The following CSMD1 variants were observed in gnomAD, a reference collection of about 807,000 sequenced individuals.
The protein encoded by CSMD1 is CUB and sushi domain-containing protein 1.
In CSMD1, 213 loss-of-function variants were observed where a neutral mutation model predicts 417.5. That is an observed-to-expected ratio of 0.51 (90% CI 0.46 to 0.57). The LOEUF is 0.57. Among genes scored for constraint, CSMD1 ranks in the 20% least tolerant of loss-of-function variants. CSMD1 has a pLI of 0.00. For synonymous variants in CSMD1, 2,862 were observed against 1,736.8 expected (o/e 1.65, Z -16.11); for missense variants, 6,923 against 4,529.7 (o/e 1.53, Z -15.17).
At chr8:3,976,069 AT>A (rs201414128) in intron 5 of CSMD1, among the ~76,000 whole-genome samples, 12 of 152,090 alleles carry the variant, frequency 7.9e-5, no homozygotes, top group East Asian at 5.8e-4. Context: ...GATATGTTAA[AT>A]TTTTTTGGGG....
At chr8:3,209,591 T>G (rs1282345078) in intron 30 of CSMD1, among the ~76,000 whole-genome samples, 1 of 152,186 alleles carries the variant, frequency 6.6e-6, no homozygotes, top group African/African-American at 2.4e-5. Context: ...AGTGCTGGAA[T>G]TACAGGTGTG....
intron 67 of CSMD1, 26 bp from the exon 68 acceptor site, chr8:2,949,412 G>GAAAAGAAAAA (rs746191318): frequency 7.7e-7 from 1 of 1,306,526 alleles, no homozygotes; most frequent in Non-Finnish European, 1.1e-6. Context: ...GAAAAGAAAA[G>GAAAAGAAAAA]AAATAAAAAG....
intron 3 of CSMD1, among the ~76,000 whole-genome samples, chr8:4,139,049 C>A (rs1031877923): frequency 6.6e-6 from 1 of 152,164 alleles, no homozygotes; most frequent in African/African-American, 2.4e-5. Flanking sequence ...CTGAGACAGA[C>A]TTGGGGCCAC....
At chr8:3,794,865 C>T (rs1035128915) in intron 5 of CSMD1, among the ~76,000 whole-genome samples, 2 of 71,230 alleles carry the variant, frequency 2.8e-5, no homozygotes, top group East Asian at 3.7e-4. Context: ...GATCAATTTA[C>T]CAATGATCTC....
chr8:4,080,031 G>C (rs768990820), intron 3 of CSMD1, among the ~76,000 whole-genome samples: 5 of 151,570 alleles, frequency 3.3e-5, no homozygotes, highest in African/African-American at 4.9e-5. Flanking sequence ...ATATCAAAAG[G>C]GTGGTGAGTG....
At chr8:3,146,481 T>C (rs950245005) in intron 40 of CSMD1, among the ~76,000 whole-genome samples, 2 of 152,216 alleles carry the variant, frequency 1.3e-5, no homozygotes, top group African/African-American at 4.8e-5. Context: ...TGATATATTA[T>C]ATTCCCTTTA....
intron 3 of CSMD1, among the ~76,000 whole-genome samples, chr8:4,076,323 C>G (rs1315288214): frequency 2.0e-5 from 3 of 152,176 alleles, no homozygotes; most frequent in Non-Finnish European, 4.4e-5. Context: ...GGCCTCCCAG[C>G]CTTGCAGAAC....
chr8:4,654,085 T>C (rs12544766), intron 1 of CSMD1, among the ~76,000 whole-genome samples: 53,383 of 152,032 alleles, frequency 0.35, 10,831 homozygotes, highest in African/African-American at 0.52. Context: ...CAGCAACTTT[T>C]TTCTTTCCCG....
chr8:4,423,742 A>T (rs145940939), intron 2 of CSMD1, among the ~76,000 whole-genome samples: 69 of 152,126 alleles, frequency 4.5e-4, no homozygotes, highest in Non-Finnish European at 8.8e-4. Flanking sequence ...AAACAAAAAA[A>T]AATAGAATAG....
chr8:3,891,743 C>G (rs1282478319), intron 5 of CSMD1, among the ~76,000 whole-genome samples: 1 of 152,062 alleles, frequency 6.6e-6, no homozygotes, highest in African/African-American at 2.4e-5. Flanking sequence ...CAGTATAACA[C>G]TGACTGGAGA....
chr8:3,122,665 G>C lies in CSMD1; in HGVS notation c.6242-4078C>G, dbSNP rs187527283. On this transcript the variant is annotated intron_variant, in intron 41 of 69. Coordinates refer to ENST00000635120, the MANE Select transcript of CSMD1 (RefSeq NM_033225.6). ...ACGAGAGCTGATGCTTTTATCAGGG[G>C]TTTCCACTTTTGCTTCTTTCTCATT... is the stretch of plus-strand genomic sequence containing the variant. Among the ~76,000 whole-genome samples, 365 of 152,192 alleles carry C rather than the reference G, an allele frequency of 2.4e-3. 1 individual carries two copies. The highest frequency in any genetic ancestry group is 8.2e-3 in the African/African-American group (342 of 41,512).
intron 61 of CSMD1, among the ~76,000 whole-genome samples, chr8:2,961,811 G>A (rs945845167): frequency 6.6e-6 from 1 of 152,162 alleles, no homozygotes; most frequent in Non-Finnish European, 1.5e-5. Context: ...CTGTTATCTA[G>A]AGTGACTAAC....
chr8:3,647,794 T>C lies in CSMD1; in HGVS notation c.1010-30997A>G, dbSNP rs961619506. Reference sequence around the variant, plus strand: ...AGAGTGAGAGAAAGAGAGAGAGATATTGAAAAGTAAATATGGCAAATGTAT... The same window carrying C: ...AGAGTGAGAGAAAGAGAGAGAGATACTGAAAAGTAAATATGGCAAATGTAT... On this transcript the variant is annotated intron_variant, in intron 7 of 69. Coordinates refer to ENST00000635120, the MANE Select transcript of CSMD1 (RefSeq NM_033225.6). 4.6e-5 allele frequency among the ~76,000 whole-genome samples: 7 copies of C among 152,284 alleles called. No homozygotes were observed. In the East Asian group the frequency reaches 7.7e-4, roughly 17 times the overall value.
intron 7 of CSMD1, among the ~76,000 whole-genome samples, chr8:3,646,515 C>A (rs1393439680): frequency 6.6e-6 from 1 of 152,108 alleles, no homozygotes; most frequent in Non-Finnish European, 1.5e-5. Flanking sequence ...CTGGCGGTGT[C>A]ATCTGTAGCA....
At chr8:4,870,227 C>G (rs1432738348) in intron 1 of CSMD1, among the ~76,000 whole-genome samples, 1 of 152,112 alleles carries the variant, frequency 6.6e-6, no homozygotes, top group African/African-American at 2.4e-5. Context: ...CTTCATCCCA[C>G]AACTCAAAAG....
intron 1 of CSMD1, among the ~76,000 whole-genome samples, chr8:4,943,051 TGAGACA>T (rs1808122224): frequency 6.6e-6 from 1 of 152,130 alleles, no homozygotes; most frequent in Admixed American, 6.5e-5. Flanking sequence ...CAAGAAATAG[TGAGACA>T]TGAAAGTAAT....
intron 1 of CSMD1, among the ~76,000 whole-genome samples, chr8:4,868,694 C>T (rs1802559229): frequency 6.6e-6 from 1 of 151,758 alleles, no homozygotes; most frequent in Admixed American, 6.6e-5. Flanking sequence ...AGTATGGTGT[C>T]TTGGTCGAAA....
At chr8:4,888,628 T>C (rs1803908860) in intron 1 of CSMD1, among the ~76,000 whole-genome samples, 3 of 151,836 alleles carry the variant, frequency 2.0e-5, no homozygotes, top group South Asian at 4.2e-4. Context: ...AAAAAGCAAA[T>C]TGGTAAACAG....
At chr8:4,166,170 T>C (rs994971614) in intron 3 of CSMD1, among the ~76,000 whole-genome samples, 5 of 152,204 alleles carry the variant, frequency 3.3e-5, no homozygotes, top group African/African-American at 4.8e-5. Flanking sequence ...TTTGTAGTAG[T>C]CTACTTGAAA....
Sources: gnomAD v4.1 joint callset for allele counts (sites outside exome capture counted in the v4.1 genomes callset) on GRCh38, gnomAD v4.1.1 for gene constraint, MANE v1.5 for transcripts, NCBI Gene and HGNC (gene_info 2026-07-23, HGNC 2026-07-21) for gene names.